FHOD3: variants seen among roughly 807,000 people sequenced by gnomAD.
The protein encoded by FHOD3 is FH1/FH2 domain-containing protein 3.
A neutral mutation model predicts 173.0 loss-of-function variants in FHOD3; 90 were observed. The observed-to-expected ratio is 0.52, with a 90% CI of 0.44 to 0.62. The LOEUF (loss-of-function observed/expected upper bound fraction) is 0.62. FHOD3 is among the 20% of genes least tolerant of loss of function. The probability of loss-of-function intolerance (pLI) is 0.00; values close to 1 mark genes in which losing one functional copy is unlikely to be tolerated. For synonymous variants in FHOD3, 828 were observed against 823.0 expected, an observed-to-expected ratio of 1.01 and a Z score of -0.10; for missense variants, 1,945 against 2,034.7, an observed-to-expected ratio of 0.96 and a Z score of 0.85.
chr18:36,499,811 A>G (rs1351917228), intron 3 of FHOD3, among the ~76,000 whole-genome samples: 9 of 152,136 alleles, frequency 5.9e-5, no homozygotes, highest in Admixed American at 2.6e-4. Flanking sequence ...GGAGCTTTCT[A>G]GGCTCCTACT....
chr18:36,495,348 T>C (rs2145881326), intron 3 of FHOD3, among the ~76,000 whole-genome samples: 2 of 152,230 alleles, frequency 1.3e-5, no homozygotes, highest in South Asian at 4.1e-4. Context: ...TCCACCTGAG[T>C]CTGGGATGGC....
intron 1 of FHOD3, among the ~76,000 whole-genome samples, chr18:36,305,828 A>G (rs1243118790): frequency 6.6e-6 from 1 of 152,174 alleles, no homozygotes; most frequent in Admixed American, 6.5e-5. Context: ...CACTGACCAC[A>G]ATTTTGACTA....
chr18:36,395,994 T>C (rs1237424198), intron 3 of FHOD3, among the ~76,000 whole-genome samples: 1 of 152,194 alleles, frequency 6.6e-6, no homozygotes, highest in Non-Finnish European at 1.5e-5. Flanking sequence ...GAAAGGTCTC[T>C]GAAATTTTGC....
intron 6 of FHOD3, among the ~76,000 whole-genome samples, chr18:36,586,952 A>C (rs2059055130): frequency 6.6e-6 from 1 of 152,142 alleles, no homozygotes; most frequent in Admixed American, 6.6e-5. Flanking sequence ...GGTGCTGTGA[A>C]GCCAATACAC....
intron 3 of FHOD3, among the ~76,000 whole-genome samples, chr18:36,481,986 A>G (rs2053926567): frequency 1.3e-5 from 2 of 152,204 alleles, no homozygotes; most frequent in African/African-American, 2.4e-5. Flanking sequence ...GGCAGAAGGT[A>G]TGTATGTCTG....
chr18:36,512,214 A>G (rs1482448902), intron 4 of FHOD3, among the ~76,000 whole-genome samples: 1 of 152,248 alleles, frequency 6.6e-6, no homozygotes, highest in African/African-American at 2.4e-5. Context: ...TATCTTTATT[A>G]GATTGCCCAG....
At chr18:36,575,050 C>A (rs78175968) in intron 5 of FHOD3, among the ~76,000 whole-genome samples, 6,380 of 151,756 alleles carry the variant, frequency 0.042, 336 homozygotes, top group East Asian at 0.15. Flanking sequence ...GGCTCACTGC[C>A]ACCTCCGCCT....
At chr18:36,415,793 G>A (rs1292798897) in intron 3 of FHOD3, among the ~76,000 whole-genome samples, 1 of 152,104 alleles carries the variant, frequency 6.6e-6, no homozygotes, top group Non-Finnish European at 1.5e-5. Context: ...CATTCCATTG[G>A]CATGTGATTC....
intron 17 of FHOD3, among the ~76,000 whole-genome samples, chr18:36,699,710 C>T (rs1266778777): frequency 6.6e-6 from 1 of 152,218 alleles, no homozygotes; most frequent in African/African-American, 2.4e-5. Flanking sequence ...AATGATACAA[C>T]ACCTGCAGTA....
chr18:36,429,965 G>A (rs1034554069), intron 3 of FHOD3, among the ~76,000 whole-genome samples: 1 of 152,180 alleles, frequency 6.6e-6, no homozygotes, highest in Non-Finnish European at 1.5e-5. Context: ...GCTCACTGAT[G>A]GGAATGGGTG....
chr18:36,570,860 A>G lies in FHOD3; in HGVS notation c.512-5591A>G, dbSNP rs996868999. ...TCTTAGCAGACTAGAAATTGGAGAA[A>G]CTTTCTCATCTTGATAAAAGACAAT... is the stretch of plus-strand genomic sequence containing the variant. On this transcript the variant is annotated intron_variant, in intron 5 of 28. Coordinates refer to ENST00000590592, the MANE Select transcript of FHOD3 (RefSeq NM_001281740.3). Among the ~76,000 whole-genome samples, 6 of 152,246 alleles carry G rather than the reference A, an allele frequency of 3.9e-5. No individual in the cohort carries two copies. The East Asian group carries it at 1.2e-3, about 29-fold the overall frequency.
intron 16 of FHOD3, among the ~76,000 whole-genome samples, chr18:36,692,482 A>G (rs563563): frequency 0.48 from 72,392 of 152,066 alleles, 17,434 homozygotes; most frequent in East Asian, 0.68. Context: ...AAAGCGCACT[A>G]TGAGGAATAT....
At chr18:36,485,263 A>C (rs1028740362) in intron 3 of FHOD3, among the ~76,000 whole-genome samples, 3 of 152,170 alleles carry the variant, frequency 2.0e-5, no homozygotes, top group African/African-American at 7.2e-5. Flanking sequence ...ATCCATGGTG[A>C]TCATGGTGTT....
chr18:36,728,936 G>A (rs1307152534), intron 19 of FHOD3, among the ~76,000 whole-genome samples: 4 of 152,174 alleles, frequency 2.6e-5, no homozygotes, highest in African/African-American at 9.7e-5. Flanking sequence ...CTGGGATGTG[G>A]CCCCATCAAA....
intron 5 of FHOD3, among the ~76,000 whole-genome samples, chr18:36,524,281 C>CAAAAA (rs34510109): frequency 2.7e-5 from 3 of 111,928 alleles, no homozygotes; most frequent in Non-Finnish European, 5.5e-5. Flanking sequence ...GGCTCTACCT[C>CAAAAA]AAAAAAAAAA....
intron 3 of FHOD3, among the ~76,000 whole-genome samples, chr18:36,500,720 T>G (rs1261031082): frequency 8.5e-5 from 13 of 152,242 alleles, no homozygotes; most frequent in African/African-American, 3.1e-4. Flanking sequence ...AGGTTTGGAA[T>G]GCAGGCAGTC....
At chr18:36,758,848 C>T (rs1450775116) in intron 25 of FHOD3, among the ~76,000 whole-genome samples, 1 of 152,202 alleles carries the variant, frequency 6.6e-6, no homozygotes, top group Admixed American at 6.5e-5. Flanking sequence ...CTGACTGTTA[C>T]CTCAGGGACA....
At chr18:36,506,193 A>G (rs1281565064) in intron 4 of FHOD3, among the ~76,000 whole-genome samples, 1 of 152,216 alleles carries the variant, frequency 6.6e-6, no homozygotes, top group Non-Finnish European at 1.5e-5. Context: ...ATATCCTTAG[A>G]TCAATGAGGA....
intron 1 of FHOD3, among the ~76,000 whole-genome samples, chr18:36,328,375 CA>C (rs1947452348): frequency 6.6e-6 from 1 of 152,030 alleles, no homozygotes; most frequent in African/African-American, 2.4e-5. Context: ...GGGGGAACAG[CA>C]AGTGCAAGGG....
Sources: allele counts gnomAD v4.1 joint callset (sites outside exome capture counted in the v4.1 genomes callset), GRCh38; gene constraint gnomAD v4.1.1; transcripts MANE v1.5; gene names NCBI Gene and HGNC (gene_info 2026-07-23, HGNC 2026-07-21).